The following DMC1 variants were observed in gnomAD, a reference collection of about 807,000 sequenced individuals.
The protein encoded by DMC1 is DNA meiotic recombinase 1, also known as meiotic recombination protein DMC1 homolog.
A neutral mutation model predicts 50.1 loss-of-function variants in DMC1; 27 were observed. The observed-to-expected ratio is 0.54, with a 90% confidence interval of 0.40 to 0.74. The LOEUF is 0.74. Ranked by LOEUF, DMC1 falls within the 30% of genes least tolerant of loss-of-function variation. The pLI is 0.00. For synonymous variants in DMC1, 148 were observed against 136.1 expected (o/e 1.09, Z -0.61); for missense variants, 295 against 420.2 (o/e 0.70, Z 2.60).
At chr22:38,530,494 G>A (rs1481956316) in intron 12 of DMC1, among the ~76,000 whole-genome samples, 1 of 152,046 alleles carries the variant, frequency 6.6e-6, no homozygotes, top group Admixed American at 6.6e-5. Context: ...GATGGGGAGG[G>A]ATTCAACAAC....
chr22:38,520,146 T>C, intron 13 of DMC1, 57 bp from the exon 14 acceptor site: 1 of 1,393,722 alleles, frequency 7.2e-7, no homozygotes, highest in East Asian at 2.3e-5. Flanking sequence ...ATAAATACTA[T>C]ATTCATGTCA....
intron 8 of DMC1, among the ~76,000 whole-genome samples, chr22:38,545,514 G>C (rs60895776): frequency 0.088 from 13,315 of 151,992 alleles, 1,411 homozygotes; most frequent in African/African-American, 0.25. Flanking sequence ...GCTCCGCCTC[G>C]CGGGTTCACA....
intron 5 of DMC1, among the ~76,000 whole-genome samples, chr22:38,555,653 G>A (rs545654320): frequency 2.4e-4 from 37 of 151,984 alleles, no homozygotes; most frequent in South Asian, 2.3e-3. Context: ...AAGCCCTATC[G>A]TTCTTACTTC....
chr22:38,539,493 G>T, intron 8 of DMC1, 81 bp from the exon 9 acceptor site: 2 of 1,090,248 alleles, frequency 1.8e-6, no homozygotes, highest in Non-Finnish European at 2.8e-6. Flanking sequence ...AATATCTTCC[G>T]TAAATTAACA....
chr22:38,520,253 C>T (rs908674869), intron 13 of DMC1, among the ~76,000 whole-genome samples, 164 bp from the exon 14 acceptor site: 2 of 152,192 alleles, frequency 1.3e-5, no homozygotes, highest in African/African-American at 4.8e-5. Flanking sequence ...GTATTATTAA[C>T]CCTCACAAAC....
intron 6 of DMC1, 99 bp downstream of exon 6, chr22:38,555,258 T>C: frequency 1.3e-6 from 1 of 797,544 alleles, no homozygotes; most frequent in East Asian, 2.6e-5. Flanking sequence ...TACAATTTAT[T>C]ATTGGTTGTT....
chr22:38,525,646 CAT>C (rs1322130206), intron 12 of DMC1, among the ~76,000 whole-genome samples: 1 of 152,062 alleles, frequency 6.6e-6, no homozygotes, highest in Non-Finnish European at 1.5e-5. Flanking sequence ...GCAAAGAAAA[CAT>C]ATAGGAATGA....
chr22:38,542,021 A>G (rs1005595917), intron 8 of DMC1, among the ~76,000 whole-genome samples: 3 of 150,752 alleles, frequency 2.0e-5, no homozygotes, highest in Non-Finnish European at 2.9e-5. Context: ...TTTATGATAA[A>G]AAAAAAACCC....
intron 12 of DMC1, among the ~76,000 whole-genome samples, chr22:38,536,928 G>A (rs2090219653): frequency 6.6e-6 from 1 of 152,074 alleles, no homozygotes; most frequent in Admixed American, 6.6e-5. Flanking sequence ...TTGGCTCACT[G>A]CAACCTCCGC....
intron 12 of DMC1, among the ~76,000 whole-genome samples, chr22:38,528,336 T>G (rs193240034): frequency 1.0e-3 from 158 of 151,932 alleles, no homozygotes; most frequent in African/African-American, 3.6e-3. Context: ...AGTGTTGGGA[T>G]TACAGGTGTG....
chr22:38,548,841 C>T (rs79006305), intron 8 of DMC1, among the ~76,000 whole-genome samples: 1 of 142,474 alleles, frequency 7.0e-6, no homozygotes, highest in Non-Finnish European at 1.5e-5. Context: ...GACACTGTCT[C>T]AAAAAAAAAA....
intron 1 of DMC1, among the ~76,000 whole-genome samples, chr22:38,569,824 A>T (rs2090620801): frequency 6.6e-6 from 1 of 152,218 alleles, no homozygotes; most frequent in African/African-American, 2.4e-5. Flanking sequence ...TTCCCTGGTC[A>T]GGAGGATGAG....
intron 8 of DMC1, among the ~76,000 whole-genome samples, chr22:38,540,468 A>AT (rs893662528): frequency 1.3e-5 from 2 of 152,022 alleles, no homozygotes; most frequent in Non-Finnish European, 1.5e-5. Flanking sequence ...AGTAATAAAC[A>AT]TTTTTTTTAG....
At chr22:38,540,656 C>T (rs1189051402) in intron 8 of DMC1, among the ~76,000 whole-genome samples, 2 of 152,082 alleles carry the variant, frequency 1.3e-5, no homozygotes, top group Admixed American at 6.6e-5. Flanking sequence ...TTTAAATTCC[C>T]AGCCATTTAT....
chr22:38,558,440 C>T (rs963867712), intron 5 of DMC1, among the ~76,000 whole-genome samples: 9 of 152,068 alleles, frequency 5.9e-5, no homozygotes, highest in South Asian at 2.1e-4. Context: ...CCTGGCTGGG[C>T]GCAGTGGCTC....
chr22:38,527,711 GT>G (rs2090108356), intron 12 of DMC1, among the ~76,000 whole-genome samples: 2 of 151,604 alleles, frequency 1.3e-5, no homozygotes, highest in Non-Finnish European at 2.9e-5. Flanking sequence ...TAGAGATGGG[GT>G]TTTGCCATGT....
At chr22:38,551,547 C>T (rs1264247229) in intron 7 of DMC1, among the ~76,000 whole-genome samples, 1 of 151,900 alleles carries the variant, frequency 6.6e-6, no homozygotes, top group Non-Finnish European at 1.5e-5. Context: ...CCAGGCTGGT[C>T]TCAAACTCCT....
At chr22:38,568,170 C>G (rs749317418) in intron 2 of DMC1, 36 bp downstream of exon 2, 1 of 1,594,278 alleles carries the variant, frequency 6.3e-7, no homozygotes, top group Non-Finnish European at 8.6e-7. Context: ...GCGGAATGAT[C>G]GAATGTCTAT....
intron 1 of DMC1, chr22:38,569,253 A>G (rs1367133021): frequency 6.6e-6 from 1 of 152,140 alleles, no homozygotes; most frequent in African/African-American, 2.4e-5. Flanking sequence ...AGTTTTTAAC[A>G]TTGTAGACTC....
Sources: allele counts gnomAD v4.1 joint callset (sites outside exome capture counted in the v4.1 genomes callset), GRCh38; gene constraint gnomAD v4.1.1; transcripts MANE v1.5; gene names NCBI Gene and HGNC (gene_info 2026-07-23, HGNC 2026-07-21).